The following PCDH15 variants were observed in gnomAD, a reference collection of about 807,000 sequenced individuals.
The protein encoded by PCDH15 is protocadherin-15.
PCDH15 carries 129 observed loss-of-function variants against 178.5 expected under a neutral mutation model. The ratio of observed to expected loss-of-function variants is 0.72; its 90% CI spans 0.63 to 0.84. The LOEUF (loss-of-function observed/expected upper bound fraction) is 0.84. PCDH15 is among the 40% of genes least tolerant of loss of function. The pLI, the probability that PCDH15 is intolerant of heterozygous loss-of-function variation, is 0.00. For synonymous variants in PCDH15, 800 were observed against 732.0 expected (o/e 1.09, Z -1.50); for missense variants, 2,230 against 2,099.9 (o/e 1.06, Z -1.21).
At chr10:54,434,674 C>A (rs12355613) in intron 3 of PCDH15, among the ~76,000 whole-genome samples, 21,920 of 152,114 alleles carry the variant, frequency 0.14, 1,676 homozygotes, top group Middle Eastern at 0.24. Context: ...AGAAACTATG[C>A]CTATCATCAA....
At chr10:54,899,095 T>C (rs1954597804) in intron 2 of PCDH15, among the ~76,000 whole-genome samples, 1 of 152,120 alleles carries the variant, frequency 6.6e-6, no homozygotes. Flanking sequence ...AAAGTATTAT[T>C]ACACGAAAAG....
In PCDH15 at chr10:54,338,465, A is replaced by C. The variant is rs556621588; in HGVS notation, c.594+7900T>G. Reference sequence around the variant, plus strand: ...CTTCAGGATGGTGATTTTTTTAAAAATCGTTTGTCCTTAAAATGTGGTTTT... The same window carrying C: ...CTTCAGGATGGTGATTTTTTTAAAACTCGTTTGTCCTTAAAATGTGGTTTT... On this transcript the variant is annotated intron_variant, in intron 6 of 37. Coordinates refer to ENST00000644397, the MANE Select transcript of PCDH15 (RefSeq NM_001384140.1). Among the ~76,000 whole-genome samples, 3 of 152,140 alleles carry C rather than the reference A, an allele frequency of 2.0e-5. No homozygotes were observed. In the East Asian group the frequency reaches 5.8e-4, roughly 29 times the overall value.
chr10:53,890,585 G>A (rs1459052212), intron 26 of PCDH15, among the ~76,000 whole-genome samples: 1 of 151,942 alleles, frequency 6.6e-6, no homozygotes, highest in Non-Finnish European at 1.5e-5. Flanking sequence ...ATGTCTAGGG[G>A]GAGAAATCCT....
intron 2 of PCDH15, among the ~76,000 whole-genome samples, chr10:55,402,627 T>C (rs1405697079): frequency 2.0e-5 from 3 of 152,018 alleles, no homozygotes; most frequent in East Asian, 1.9e-4. Flanking sequence ...TCCACTTCCA[T>C]TGATGTTGTT....
At chr10:55,342,470 T>G (rs868846776) in intron 2 of PCDH15, among the ~76,000 whole-genome samples, 23 of 152,008 alleles carry the variant, frequency 1.5e-4, no homozygotes, top group Middle Eastern at 3.2e-3. Context: ...TATTTATTTA[T>G]TTTTTAGTTT....
At chr10:54,330,128 CT>C (rs1212183883) in intron 6 of PCDH15, among the ~76,000 whole-genome samples, 1 of 150,698 alleles carries the variant, frequency 6.6e-6, no homozygotes, top group Non-Finnish European at 1.5e-5. Context: ...GATATCCATT[CT>C]GTATTTTAAG....
chr10:54,568,669 A>G (rs1325907639), intron 2 of PCDH15: 1 of 152,180 alleles, frequency 6.6e-6, no homozygotes, highest in East Asian at 1.9e-4. Flanking sequence ...TCCATAAAGG[A>G]ATACAGGTAG....
At chr10:54,262,230 C>T (rs1413416212) in intron 8 of PCDH15, among the ~76,000 whole-genome samples, 1 of 152,088 alleles carries the variant, frequency 6.6e-6, no homozygotes, top group East Asian at 1.9e-4. Flanking sequence ...CCTAGGTGCC[C>T]ATCCCACAAG....
At chr10:53,973,958 G>C (rs1053276260) in intron 21 of PCDH15, among the ~76,000 whole-genome samples, 3 of 152,082 alleles carry the variant, frequency 2.0e-5, no homozygotes, top group Non-Finnish European at 4.4e-5. Context: ...AGCTGAAAAC[G>C]TTGCCAACAT....
intron 1 of PCDH15, among the ~76,000 whole-genome samples, chr10:55,283,608 T>C (rs893457980): frequency 6.6e-6 from 1 of 151,454 alleles, no homozygotes; most frequent in African/African-American, 2.4e-5. Context: ...CTTCCTCCAT[T>C]CTTGCCCACC....
At chr10:55,345,608 A>T (rs893158070) in intron 2 of PCDH15, among the ~76,000 whole-genome samples, 2 of 151,970 alleles carry the variant, frequency 1.3e-5, no homozygotes, top group Admixed American at 6.6e-5. Context: ...GAAAAATCAA[A>T]TTTTTTCAAT....
chr10:55,185,346 T>C (rs1372218052), intron 1 of PCDH15, among the ~76,000 whole-genome samples: 1 of 151,760 alleles, frequency 6.6e-6, no homozygotes, highest in Non-Finnish European at 1.5e-5. Context: ...ATGTTGCATG[T>C]CTTAAAATGT....
chr10:55,535,965 C>A (rs1841569801), intron 2 of PCDH15, among the ~76,000 whole-genome samples: 1 of 151,922 alleles, frequency 6.6e-6, no homozygotes, highest in South Asian at 2.1e-4. Flanking sequence ...GAAATCCTAG[C>A]ATTTTAAAAA....
chr10:55,152,179 AT>A (rs1178340489), intron 2 of PCDH15, among the ~76,000 whole-genome samples: 1 of 152,148 alleles, frequency 6.6e-6, no homozygotes, highest in Admixed American at 6.6e-5. Context: ...AAAGTAATAT[AT>A]TTCATAAACT....
intron 8 of PCDH15, among the ~76,000 whole-genome samples, chr10:54,272,063 A>G (rs113165580): frequency 1.4e-5 from 2 of 144,008 alleles, no homozygotes; most frequent in East Asian, 4.0e-4. Context: ...AACATTTGCT[A>G]CTGGTTAGGA....
intron 1 of PCDH15, among the ~76,000 whole-genome samples, chr10:54,705,137 A>G (rs577296884): frequency 3.3e-5 from 5 of 152,254 alleles, no homozygotes; most frequent in Admixed American, 3.3e-4. Context: ...TCATGGACAC[A>G]AATAAGGGAT....
At chr10:54,115,891 G>A (rs1360993784) in intron 15 of PCDH15, among the ~76,000 whole-genome samples, 30 of 152,182 alleles carry the variant, frequency 2.0e-4, no homozygotes, top group Non-Finnish European at 2.9e-5. Context: ...GAGACAGAGA[G>A]CTAAACTAGA....
intron 7 of PCDH15, among the ~76,000 whole-genome samples, chr10:54,319,264 C>T (rs2061451426): frequency 6.6e-6 from 1 of 152,122 alleles, no homozygotes; most frequent in Admixed American, 6.6e-5. Flanking sequence ...ACAGACAAAA[C>T]TTGGCAAAAG....
At chr10:53,888,216 T>C (rs963052473) in intron 26 of PCDH15, among the ~76,000 whole-genome samples, 9 of 148,320 alleles carry the variant, frequency 6.1e-5, no homozygotes, top group African/African-American at 7.4e-5. Context: ...CTGCTCAATA[T>C]TGTATAGCTG....
Sources: gnomAD v4.1 joint callset for allele counts (sites outside exome capture counted in the v4.1 genomes callset) on GRCh38, gnomAD v4.1.1 for gene constraint, MANE v1.5 for transcripts, NCBI Gene and HGNC (gene_info 2026-07-23, HGNC 2026-07-21) for gene names.